The following CDK6 variants were observed in gnomAD, a reference collection of about 807,000 sequenced individuals.
CDK6 encodes cyclin dependent kinase 6.
CDK6 carries 6 observed loss-of-function variants against 37.1 expected under a neutral mutation model. That is an observed-to-expected ratio of 0.16 (90% confidence interval 0.09 to 0.32). CDK6 has a LOEUF of 0.32. Among genes scored for constraint, CDK6 ranks in the 10% least tolerant of loss-of-function variants. The probability of loss-of-function intolerance (pLI) is 1.00; values close to 1 mark genes in which losing one functional copy is unlikely to be tolerated. For synonymous variants in CDK6, 160 were observed against 161.3 expected (o/e 0.99, Z 0.06); for missense variants, 224 against 418.9 (o/e 0.53, Z 4.06).
chr7:92,666,820 ACT>A (rs1163949447), intron 5 of CDK6, among the ~76,000 whole-genome samples: 1 of 152,182 alleles, frequency 6.6e-6, no homozygotes, highest in Non-Finnish European at 1.5e-5. Flanking sequence ...CTAATACAAG[ACT>A]CTGTTGCTGG....
chr7:92,816,896 T>TA (rs1801043304), intron 2 of CDK6, among the ~76,000 whole-genome samples: 1 of 151,712 alleles, frequency 6.6e-6, no homozygotes, highest in Non-Finnish European at 1.5e-5. Flanking sequence ...CTACAGACAT[T>TA]AAAAAAGATA....
At chr7:92,649,201 G>A (rs952618747) in intron 5 of CDK6, among the ~76,000 whole-genome samples, 3 of 152,118 alleles carry the variant, frequency 2.0e-5, no homozygotes, top group African/African-American at 4.8e-5. Flanking sequence ...AGTATTGACC[G>A]ATCATTTCAC....
At chr7:92,719,855 A>C (rs1470432905) in intron 4 of CDK6, among the ~76,000 whole-genome samples, 2 of 152,170 alleles carry the variant, frequency 1.3e-5, no homozygotes, top group Non-Finnish European at 2.9e-5. Context: ...GGGTGTTGGC[A>C]ATCACCTGTG....
At chr7:92,721,600 T>C (rs1459689903) in intron 4 of CDK6, among the ~76,000 whole-genome samples, 2 of 152,162 alleles carry the variant, frequency 1.3e-5, no homozygotes, top group South Asian at 2.1e-4. Flanking sequence ...CAATACCCCA[T>C]AAAGACACCA....
At chr7:92,745,516 T>C (rs757015960) in intron 3 of CDK6, among the ~76,000 whole-genome samples, 8 of 152,144 alleles carry the variant, frequency 5.3e-5, no homozygotes, top group Non-Finnish European at 1.2e-4. Context: ...CTGCGAACAG[T>C]GACTTCAAAA....
At chr7:92,729,169 C>T (rs1798583779) in intron 3 of CDK6, among the ~76,000 whole-genome samples, 1 of 152,140 alleles carries the variant, frequency 6.6e-6, no homozygotes, top group African/African-American at 2.4e-5. Flanking sequence ...AAAGACATTT[C>T]AAAGGACTCT....
intron 5 of CDK6, among the ~76,000 whole-genome samples, chr7:92,666,714 CA>C: frequency 6.6e-6 from 1 of 152,302 alleles, no homozygotes; most frequent in East Asian, 1.9e-4. Flanking sequence ...TTACTCACTT[CA>C]CATGTCTGTG....
chr7:92,801,163 A>G (rs1364066570), intron 2 of CDK6, among the ~76,000 whole-genome samples: 2 of 152,000 alleles, frequency 1.3e-5, no homozygotes, highest in African/African-American at 2.4e-5. Flanking sequence ...ACAAAAGAAA[A>G]TAGATAAAAA....
At chr7:92,774,914 G>A in intron 2 of CDK6, 83 bp from the exon 3 acceptor site, 1 of 1,347,816 alleles carries the variant, frequency 7.4e-7, no homozygotes, top group Non-Finnish European at 1.0e-6. Context: ...GCTCAATTTG[G>A]TCTCATAATA....
intron 4 of CDK6, among the ~76,000 whole-genome samples, chr7:92,703,248 A>C (rs972703654): frequency 6.6e-6 from 1 of 151,800 alleles, no homozygotes; most frequent in Non-Finnish European, 1.5e-5. Flanking sequence ...AAAAAAAAAC[A>C]CCAGATGACC....
intron 7 of CDK6, among the ~76,000 whole-genome samples, chr7:92,615,629 G>T (rs1259739983): frequency 6.6e-6 from 1 of 152,140 alleles, no homozygotes; most frequent in Non-Finnish European, 1.5e-5. Context: ...TTATTATCCT[G>T]CCTCAAGGCT....
chr7:92,809,871 AG>A (rs1800828102), intron 2 of CDK6, among the ~76,000 whole-genome samples: 1 of 152,206 alleles, frequency 6.6e-6, no homozygotes, highest in Non-Finnish European at 1.5e-5. Context: ...AAGAGAAACC[AG>A]GAAGTGCTGA....
At position 92,782,249 on chromosome 7, in the gene CDK6, T is replaced by C. The variant is rs578139404; in HGVS notation, c.234-7418A>G. ...CTATGTATTAGTACCAAATAAATTC[T>C]ATAAACACTATGTACAACTTTATAT... On this transcript the variant is annotated intron_variant, in intron 2 of 7. Transcript: ENST00000424848. Among the ~76,000 whole-genome samples the C allele has an allele frequency of 5.3e-5, 8 of 152,362 alleles. No homozygotes were observed. In the South Asian group the frequency reaches 1.4e-3, roughly 28 times the overall value.
chr7:92,816,398 A>T (rs1379715051), intron 2 of CDK6, among the ~76,000 whole-genome samples: 1 of 152,194 alleles, frequency 6.6e-6, no homozygotes. Context: ...AAGTACCAAG[A>T]TAAGCTATAT....
intron 3 of CDK6, among the ~76,000 whole-genome samples, chr7:92,740,408 G>T (rs1798891977): frequency 6.6e-6 from 1 of 152,028 alleles, no homozygotes; most frequent in Non-Finnish European, 1.5e-5. Flanking sequence ...CACATCCTGG[G>T]CAATTCTCCT....
At chr7:92,802,090 T>C (rs914504658) in intron 2 of CDK6, among the ~76,000 whole-genome samples, 2 of 147,452 alleles carry the variant, frequency 1.4e-5, no homozygotes, top group African/African-American at 4.9e-5. Context: ...ATATACTGCA[T>C]TGTGGTGAAG....
At chr7:92,672,134 C>CACATATATATATATATAT (rs1554401675) in intron 4 of CDK6, among the ~76,000 whole-genome samples, 1 of 65,408 alleles carries the variant, frequency 1.5e-5, no homozygotes, top group African/African-American at 7.1e-5. Context: ...AAAAGCTGTA[C>CACATATATATATATATAT]ATATATATAT....
chr7:92,815,461 G>A (rs570562910), intron 2 of CDK6, among the ~76,000 whole-genome samples: 44 of 152,172 alleles, frequency 2.9e-4, no homozygotes, highest in Non-Finnish European at 5.9e-4. Flanking sequence ...CTTCTTACCT[G>A]CCAGAAACAA....
intron 4 of CDK6, among the ~76,000 whole-genome samples, chr7:92,679,328 TG>T (rs1426578974): frequency 4.6e-5 from 7 of 152,298 alleles, no homozygotes; most frequent in Non-Finnish European, 1.0e-4. Context: ...GATATGGCAA[TG>T]GCAATGAAGA....
Sources: allele counts gnomAD v4.1 joint callset (sites outside exome capture counted in the v4.1 genomes callset), GRCh38; gene constraint gnomAD v4.1.1; transcripts MANE v1.5; gene names NCBI Gene and HGNC (gene_info 2026-07-23, HGNC 2026-07-21).